Variants in PRDM6 observed in about 807,000 individuals in gnomAD.
The protein encoded by PRDM6 is putative histone-lysine N-methyltransferase PRDM6.
A neutral mutation model predicts 60.8 loss-of-function variants in PRDM6; 25 were observed. The observed-to-expected ratio is 0.41, with a 90% CI of 0.30 to 0.57. PRDM6 has a LOEUF of 0.57. Among genes scored for constraint, PRDM6 ranks in the 20% least tolerant of loss-of-function variants. The pLI is 0.27. For missense variants in PRDM6, 839 were observed against 821.3 expected (o/e 1.02, Z -0.26); for synonymous variants, 407 against 357.4 (o/e 1.14, Z -1.57).
intron 3 of PRDM6, among the ~76,000 whole-genome samples, chr5:123,127,696 CTCTT>C (rs1004481897): frequency 1.2e-4 from 18 of 150,906 alleles, no homozygotes; most frequent in Non-Finnish European, 1.9e-4. Flanking sequence ...TCTTTTCTTT[CTCTT>C]TCTTTCTTTC....
At chr5:123,130,564 G>GTT (rs369046537) in intron 3 of PRDM6, among the ~76,000 whole-genome samples, 45 of 144,918 alleles carry the variant, frequency 3.1e-4, no homozygotes, top group Non-Finnish European at 4.8e-4. Flanking sequence ...CATTTATTTA[G>GTT]TTTTTTTTTT....
intron 3 of PRDM6, among the ~76,000 whole-genome samples, chr5:123,102,496 A>G (rs1447110033): frequency 1.3e-5 from 2 of 152,178 alleles, no homozygotes; most frequent in African/African-American, 4.8e-5. Context: ...TAGAATCAGT[A>G]AGTAGAATAC....
chr5:123,151,666 G>T (rs1415200509), intron 3 of PRDM6, among the ~76,000 whole-genome samples: 1 of 152,114 alleles, frequency 6.6e-6, no homozygotes, highest in Admixed American at 6.5e-5. Flanking sequence ...TCTAAATTTA[G>T]CCACAGTGCT....
At chr5:123,162,126 C>G (rs1765646888) in intron 5 of PRDM6, among the ~76,000 whole-genome samples, 1 of 152,208 alleles carries the variant, frequency 6.6e-6, no homozygotes, top group Non-Finnish European at 1.5e-5. Flanking sequence ...TTACTAAGCT[C>G]TGAGCCAGAA....
chr5:123,191,810 A>G lies in PRDM6; in HGVS notation c.*4609A>G, dbSNP rs907978585. ...CCCCAAGATTGCATTCTACAAACCCAGAGATCAGCTGTCAGGTACAACTGG... is the reference window on the plus strand; with the variant it reads ...CCCCAAGATTGCATTCTACAAACCCGGAGATCAGCTGTCAGGTACAACTGG... On this transcript the variant is annotated 3_prime_UTR_variant, in exon 8 of 8. Coordinates refer to ENST00000407847, the MANE Select transcript of PRDM6 (RefSeq NM_001136239.4). 6 of 152,192 alleles carry G rather than the reference A, an allele frequency of 3.9e-5. No individual in the cohort carries two copies. Among genetic ancestry groups the G allele is most frequent in the African/African-American group, 1.2e-4 (5 of 41,462 alleles). The allele number at this position is 152,192 out of a possible 1,614,324, so 9.4% of individuals were successfully genotyped here.
At chr5:123,172,430 T>C (rs1765913541) in intron 6 of PRDM6, among the ~76,000 whole-genome samples, 1 of 152,156 alleles carries the variant, frequency 6.6e-6, no homozygotes. Flanking sequence ...GCGAGCCCCC[T>C]GGTGAGAGTA....
intron 2 of PRDM6, among the ~76,000 whole-genome samples, chr5:123,098,770 CT>C (rs890713765): frequency 6.6e-6 from 1 of 152,236 alleles, no homozygotes; most frequent in Non-Finnish European, 1.5e-5. Flanking sequence ...CTATTCCTTT[CT>C]TCCGGCGTCT....
At chr5:123,134,979 A>G (rs1012529375) in intron 3 of PRDM6, among the ~76,000 whole-genome samples, 1 of 136,892 alleles carries the variant, frequency 7.3e-6, no homozygotes, top group African/African-American at 2.8e-5. Context: ...AATGCATTAA[A>G]AAGAGCAAAA....
At chr5:123,112,140 A>G (rs1023901980) in intron 3 of PRDM6, among the ~76,000 whole-genome samples, 10 of 151,348 alleles carry the variant, frequency 6.6e-5, no homozygotes, top group Non-Finnish European at 1.3e-4. Context: ...ATTAGCTCCT[A>G]AGTAATCAGG....
intron 2 of PRDM6, 25 bp downstream of exon 2, chr5:123,090,631 C>T (rs1183321260): frequency 4.7e-6 from 7 of 1,487,152 alleles, no homozygotes; most frequent in Non-Finnish European, 4.5e-6. Context: ...CCCGCGCGCT[C>T]TCTCCCGGGG....
At chr5:123,134,953 C>T (rs1416525803) in intron 3 of PRDM6, among the ~76,000 whole-genome samples, 1 of 150,592 alleles carries the variant, frequency 6.6e-6, no homozygotes, top group East Asian at 1.9e-4. Context: ...TAAGGACAAC[C>T]AGATCTTATC....
At chr5:123,119,773 A>G (rs1167563770) in intron 3 of PRDM6, among the ~76,000 whole-genome samples, 4 of 152,226 alleles carry the variant, frequency 2.6e-5, no homozygotes, top group East Asian at 1.9e-4. Context: ...TGATTCAGCC[A>G]TTTAAAACCA....
intron 3 of PRDM6, among the ~76,000 whole-genome samples, chr5:123,116,641 A>T (rs189455065): frequency 3.9e-4 from 60 of 151,924 alleles, no homozygotes; most frequent in Middle Eastern, 3.4e-3. Flanking sequence ...GAAAAAAAAA[A>T]TTATTTTTCT....
chr5:123,091,122 G>GAACC (rs2150203926), intron 2 of PRDM6, among the ~76,000 whole-genome samples: 1 of 152,318 alleles, frequency 6.6e-6, no homozygotes, highest in East Asian at 1.9e-4. Flanking sequence ...GGTTGTGGGG[G>GAACC]AACCGGCGGG....
intron 2 of PRDM6, among the ~76,000 whole-genome samples, chr5:123,094,019 C>T (rs1442100804): frequency 1.3e-5 from 2 of 151,956 alleles, no homozygotes; most frequent in African/African-American, 4.8e-5. Context: ...GCGCAGGGAA[C>T]AGGCTGGAAA....
At chr5:123,170,266 T>G (rs1765855467) in intron 5 of PRDM6, among the ~76,000 whole-genome samples, 1 of 152,142 alleles carries the variant, frequency 6.6e-6, no homozygotes, top group South Asian at 2.1e-4. Flanking sequence ...TTTCGTCTTG[T>G]TCCCTTCATC....
In PRDM6 at chr5:123,089,290, C is replaced by G. The variant is rs1007866774; in HGVS notation, c.-245C>G. 3 of 152,956 alleles carry G rather than the reference C, an allele frequency of 2.0e-5. No homozygotes were observed. Among genetic ancestry groups the G allele is most frequent in the African/African-American group, 4.8e-5 (2 of 41,554 alleles). 9.5% of individuals were successfully genotyped at this position (152,956 alleles called of 1,614,324 possible). ...AGGACGCGGCAGCGGCCAAGCGCAG[C>G]AGCCCACGGCGGTTGAGTCGGGCGC... On this transcript the variant is annotated 5_prime_UTR_variant, in exon 1 of 8. Transcript: ENST00000407847.
chr5:123,188,480 T>C lies in PRDM6; in HGVS notation c.*1279T>C, dbSNP rs955526225. ...GGTTCAACAGTGGTGCTCAATGAAA[T>C]TGGGTCACATTTAATGAAATGATCT... On this transcript the variant is annotated 3_prime_UTR_variant, in exon 8 of 8. Transcript: ENST00000407847. The C allele has an allele frequency of 2.0e-5, 3 of 152,226 alleles. No homozygotes were observed. The highest frequency in any genetic ancestry group is 4.4e-5 in the Non-Finnish European group (3 of 68,034). 9.4% of individuals were successfully genotyped at this position (152,226 alleles called of 1,614,324 possible).
Position 123,090,543 on chromosome 5 carries a change from C to T in PRDM6, c.529C>T (p.Leu177=), listed in dbSNP as rs767658665. Reference sequence around the variant, plus strand: ...CAGCGCAGAGGAGCTGGACTATTACCTGTATGGCCAGCAGCGCATGGAGAT... The same window carrying T: ...CAGCGCAGAGGAGCTGGACTATTACTTGTATGGCCAGCAGCGCATGGAGAT... ...RCSAEELDYY[L]YGQQRMEIIP... Residue 177 remains leucine, a synonymous_variant, in exon 2 of 8, where the codon CTG becomes TTG. Coordinates refer to ENST00000407847, the MANE Select transcript of PRDM6 (RefSeq NM_001136239.4). The T allele has an allele frequency of 2.5e-4, 378 of 1,523,072 alleles. No individual in the cohort carries two copies. Among genetic ancestry groups the T allele is most frequent in the Non-Finnish European group, 3.1e-4 (359 of 1,142,942 alleles). 94.3% of individuals were successfully genotyped at this position (1,523,072 alleles called of 1,614,324 possible).
Sources: allele counts gnomAD v4.1 joint callset (sites outside exome capture counted in the v4.1 genomes callset), GRCh38; gene constraint gnomAD v4.1.1; transcripts MANE v1.5; gene names NCBI Gene and HGNC (gene_info 2026-07-23, HGNC 2026-07-21).